The following ADHFE1 variants were observed in gnomAD, a reference collection of about 807,000 sequenced individuals.
ADHFE1 encodes alcohol dehydrogenase iron containing 1.
In ADHFE1, 37 loss-of-function variants were observed where a neutral mutation model predicts 54.8. That is an observed-to-expected ratio of 0.68 (90% CI 0.52 to 0.89). ADHFE1 has a LOEUF of 0.89. ADHFE1 is among the 40% of genes least tolerant of loss of function. The pLI, the probability that ADHFE1 is intolerant of heterozygous loss-of-function variation, is 0.00. For missense variants in ADHFE1, 601 were observed against 591.2 expected, an observed-to-expected ratio of 1.02 and a Z score of -0.17; for synonymous variants, 203 against 229.3, an observed-to-expected ratio of 0.89 and a Z score of 1.04.
At chr8:66,456,745 A>G in intron 10 of ADHFE1, 72 bp from the exon 11 acceptor site, 1 of 1,155,946 alleles carries the variant, frequency 8.7e-7, no homozygotes, top group Non-Finnish European at 1.3e-6. Context: ...CATCCCCATA[A>G]GAGTATCTTT....
chr8:66,453,362 C>T (rs963683963), intron 9 of ADHFE1, among the ~76,000 whole-genome samples: 4 of 152,170 alleles, frequency 2.6e-5, no homozygotes, highest in Admixed American at 6.5e-5. Context: ...GGAACTCTTA[C>T]GCAAGGCAAA....
chr8:66,439,457 G>A lies in ADHFE1; in HGVS notation c.60-705G>A. On this transcript the variant is annotated intron_variant, in intron 1 of 13. Transcript: ENST00000396623. The surrounding 1 kb of genome is among the most constrained non-coding windows in gnomAD (Gnocchi z 4.4). ...AGAGGGACCACAGCCAGGGGAGGGA[G>A]GGTTTCCAAAAAGGAGGACGTGGGA... is the stretch of plus-strand genomic sequence containing the variant. The A allele has an allele frequency of 1.0e-6, 1 of 986,158 alleles. No homozygotes were observed. The highest frequency in any genetic ancestry group is 1.2e-6 in the Non-Finnish European group (1 of 830,354). 61.1% of individuals were successfully genotyped at this position (986,158 alleles called of 1,614,324 possible).
intron 12 of ADHFE1, 24 bp from the exon 13 acceptor site, chr8:66,460,284 C>T: frequency 6.2e-7 from 1 of 1,613,230 alleles, no homozygotes; most frequent in South Asian, 1.1e-5. Flanking sequence ...TCTCTCCCTA[C>T]AGTCAGCACT....
At chr8:66,453,303 C>T (rs1806398982) in intron 9 of ADHFE1, among the ~76,000 whole-genome samples, 1 of 152,138 alleles carries the variant, frequency 6.6e-6, no homozygotes, top group Non-Finnish European at 1.5e-5. Flanking sequence ...ATGAAAGGAA[C>T]ATTTCAAATG....
At chr8:66,451,095 T>A (rs1806275570) in intron 8 of ADHFE1, among the ~76,000 whole-genome samples, 1 of 152,232 alleles carries the variant, frequency 6.6e-6, no homozygotes. Context: ...AAAATATAGT[T>A]CATGTTACAC....
Position 66,452,124 on chromosome 8 carries a change from G to A in ADHFE1, c.887+19G>A, listed in dbSNP as rs190426715. 13,978 of 1,612,536 alleles carry A rather than the reference G, an allele frequency of 8.7e-3. 143 individuals are homozygous for A. The highest frequency in any genetic ancestry group is 0.024 in the Admixed American group (1,425 of 59,868). On this transcript the variant is annotated intron_variant, in intron 9 of 13. Coordinates refer to ENST00000396623, the MANE Select transcript of ADHFE1 (RefSeq NM_144650.3). ...TGAAGAGGTATGTCACCCCGAAGGG[G>A]ATAGAAATAGAACAGGAGGCCCACA...
Position 66,457,120 on chromosome 8 carries a change from G to A in ADHFE1, c.1116G>A (p.Thr372=), listed in dbSNP as rs2555588. 5.6e-6 allele frequency: 9 copies of A among 1,613,210 alleles called. No homozygotes were observed. The African/African-American group carries it at 8.0e-5, about 14-fold the overall frequency. ...CGTCCCCAGCGGTGTTCACTTTCAC[G>A]GCCCAGATGTTTCCAGAGCGACACC... ...VLTSPAVFTF[T]AQMFPERHLE... Residue 372 remains threonine, a synonymous_variant, in exon 12 of 14, where the codon ACG becomes ACA. Transcript: ENST00000396623.
At chr8:66,444,538 G>A (rs1274032587) in intron 4 of ADHFE1, 56 bp from the exon 5 acceptor site, 2 of 1,610,266 alleles carry the variant, frequency 1.2e-6, no homozygotes, top group African/African-American at 1.3e-5. Context: ...GAGTTTGCCA[G>A]AAGAGTCTAT....
At chr8:66,433,930 T>C (rs909544692) in intron 1 of ADHFE1, among the ~76,000 whole-genome samples, 1 of 152,190 alleles carries the variant, frequency 6.6e-6, no homozygotes, top group Non-Finnish European at 1.5e-5. Context: ...TTATATCCCA[T>C]GGAATCAGTG....
Position 66,444,411 on chromosome 8 carries a change from A to C in ADHFE1, c.189A>C (p.Glu63Asp), listed in dbSNP as rs752027022. The change falls in exon 4 of 14, where the codon GAA (glutamate) becomes GAC (aspartate). Residue 63 changes from glutamate (E) to aspartate (D), a missense_variant. Physicochemically the swap from Glu to Asp is conservative, Grantham distance 45. Transcript: ENST00000396623. ...GATATGGAGCAGCAGTTACAAAGGA[A>C]GTAGGAATGGCAAGTATTCGAGATG... The part of the protein sequence containing the change: ...NIRYGAAVTK[E>D]VGMDLKNMGA... 5 of 1,614,150 alleles carry C rather than the reference A, an allele frequency of 3.1e-6. No individual in the cohort carries two copies. The highest frequency in any genetic ancestry group is 3.3e-5 in the Admixed American group (2 of 60,034).
At chr8:66,467,525 A>T (rs1224105649) in intron 13 of ADHFE1, among the ~76,000 whole-genome samples, 2 of 152,102 alleles carry the variant, frequency 1.3e-5, no homozygotes, top group Non-Finnish European at 2.9e-5. Flanking sequence ...TTTCCCTTCC[A>T]CTAGCTACAC....
chr8:66,442,082 A>G (rs1805778463), intron 2 of ADHFE1, among the ~76,000 whole-genome samples: 1 of 152,184 alleles, frequency 6.6e-6, no homozygotes, highest in Non-Finnish European at 1.5e-5. Flanking sequence ...ATGAATTAAA[A>G]AAAACAATTC....
intron 13 of ADHFE1, 46 bp from the exon 14 acceptor site, chr8:66,468,223 C>A: frequency 6.9e-7 from 1 of 1,452,794 alleles, no homozygotes; most frequent in Non-Finnish European, 9.5e-7. Context: ...CTTTTACAAA[C>A]TGCCTTTTCA....
rs538649413 is a variant in ADHFE1, at chr8:66,434,308, A to C, written c.59+1733A>C. Among the ~76,000 whole-genome samples, 43 of 152,316 alleles carry C rather than the reference A, an allele frequency of 2.8e-4. No homozygotes were observed. The South Asian group carries it at 8.9e-3, about 32-fold the overall frequency. On this transcript the variant is annotated intron_variant, in intron 1 of 13. Transcript: ENST00000396623. ...TTTGAGTTGAGCATGCTTCTGGTACATTCAGATGGAGACCCCAGTAGGTGA... is the reference window on the plus strand; with the variant it reads ...TTTGAGTTGAGCATGCTTCTGGTACCTTCAGATGGAGACCCCAGTAGGTGA...
At chr8:66,465,374 A>T (rs1807114950) in intron 13 of ADHFE1, among the ~76,000 whole-genome samples, 1 of 152,128 alleles carries the variant, frequency 6.6e-6, no homozygotes, top group Non-Finnish European at 1.5e-5. Context: ...ATCCTCAACA[A>T]CACTTGTTAT....
chr8:66,463,249 G>T (rs1806996607), intron 13 of ADHFE1, among the ~76,000 whole-genome samples: 1 of 152,220 alleles, frequency 6.6e-6, no homozygotes, highest in Non-Finnish European at 1.5e-5. Flanking sequence ...ATGCCTCAGT[G>T]CACATGCAAT....
At chr8:66,441,358 G>T (rs543358071) in intron 2 of ADHFE1, among the ~76,000 whole-genome samples, 1 of 152,084 alleles carries the variant, frequency 6.6e-6, no homozygotes, top group Non-Finnish European at 1.5e-5. Context: ...AGCCTCCCAC[G>T]ATGTTGGGAT....
At chr8:66,445,191 A>G (rs1805967553) in intron 5 of ADHFE1, 27 bp from the exon 6 acceptor site, 2 of 1,573,044 alleles carry the variant, frequency 1.3e-6, no homozygotes, top group East Asian at 4.5e-5. Context: ...AATATAACAT[A>G]CTGGTTTTTA....
intron 3 of ADHFE1, 23 bp downstream of exon 3, chr8:66,442,867 T>G: frequency 1.3e-6 from 2 of 1,538,118 alleles, no homozygotes; most frequent in Non-Finnish European, 1.7e-6. Context: ...AATCCATTAT[T>G]TCTTTTATGA....
Sources: allele counts gnomAD v4.1 joint callset (sites outside exome capture counted in the v4.1 genomes callset), GRCh38; gene constraint gnomAD v4.1.1; non-coding constraint Gnocchi (gnomAD v3.1); transcripts MANE v1.5; gene names NCBI Gene and HGNC (gene_info 2026-07-23, HGNC 2026-07-21).